Variants in LTBR observed in about 807,000 individuals in gnomAD.
LTBR encodes the protein lymphotoxin beta receptor.
In LTBR, 15 loss-of-function variants were observed where a neutral mutation model predicts 45.4. That is an observed-to-expected ratio of 0.33 (90% confidence interval 0.22 to 0.51). LTBR has a LOEUF of 0.51. Ranked by LOEUF, LTBR falls within the 20% of genes least tolerant of loss-of-function variation. The pLI, the probability that LTBR is intolerant of heterozygous loss-of-function variation, is 0.97. For synonymous variants in LTBR, 228 were observed against 231.0 expected, an observed-to-expected ratio of 0.99 and a Z score of 0.12; for missense variants, 450 against 565.5, an observed-to-expected ratio of 0.80 and a Z score of 2.07.
upstream of LTBR, among the ~76,000 whole-genome samples, chr12:6,382,517 GC>G (rs776490622): frequency 2.0e-5 from 3 of 152,174 alleles, no homozygotes; most frequent in Non-Finnish European, 4.4e-5. Flanking sequence ...TCTCATCCCA[GC>G]CCCCAGCGCT....
At position 6,390,881 on chromosome 12, in the gene LTBR, TG is replaced by T. The variant is rs763754266; in HGVS notation, c.1253del (p.Cys418LeufsTer20). ...TTGGCACCTAGCGGAGACAGAGCAC[TG>T]TGGTGCCACACCCTCTAACAGGGGC... ...KAWHLAETEH[C>X]GATPSNRGPR... is the part of the protein sequence containing the mutation. On this transcript the variant is annotated frameshift_variant, in exon 10 of 10. Transcript: ENST00000228918. LOFTEE classifies it low-confidence loss of function (END_TRUNC). 1 of 1,604,268 alleles carries T rather than the reference TG, an allele frequency of 6.2e-7. No homozygotes were observed. Among genetic ancestry groups the T allele is most frequent in the Non-Finnish European group, 8.5e-7 (1 of 1,174,924 alleles).
At position 6,386,517 on chromosome 12, in the gene LTBR, A is replaced by C; in HGVS notation, c.667+73A>C. 2 of 1,203,606 alleles carry C rather than the reference A, an allele frequency of 1.7e-6. No individual in the cohort carries two copies. The highest frequency in any genetic ancestry group is 2.4e-6 in the Non-Finnish European group (2 of 831,480). 74.6% of individuals were successfully genotyped at this position (1,203,606 alleles called of 1,614,324 possible). A position where few individuals can be genotyped will look rare whatever the true frequency, so the allele number is the denominator to read the frequency against. Reference sequence around the variant, plus strand: ...CCTTAATGCTCCACATCTTAAAAAAAATGGGGAAAAGATGAACACTTCCCT... The same window carrying C: ...CCTTAATGCTCCACATCTTAAAAAACATGGGGAAAAGATGAACACTTCCCT... On this transcript the variant is annotated intron_variant, in intron 6 of 9. Transcript: ENST00000228918. This position sits in a 1 kb window ranked among gnomAD's most constrained non-coding sequence, Gnocchi z 4.1.
chr12:6,385,200 C>G (rs1949025484), intron 3 of LTBR, 27 bp from the exon 4 acceptor site: 1 of 1,614,026 alleles, frequency 6.2e-7, no homozygotes, highest in Non-Finnish European at 8.5e-7. Flanking sequence ...CTTGGCCCCT[C>G]CCTGAGCCCT....
chr12:6,385,883 C>T (rs1172747725), intron 4 of LTBR, 183 bp from the exon 5 acceptor site: 8 of 478,280 alleles, frequency 1.7e-5, no homozygotes, highest in African/African-American at 2.6e-5. Context: ...CCAGCCTGGG[C>T]GACAGAGCAA....
rs1390547117 is a variant in LTBR, at chr12:6,386,141, C to A, written c.548C>A (p.Ala183Asp). The change falls in exon 5 of 10, where the codon GCC becomes GAC. Residue 183 changes from alanine (A) to aspartate (D), a missense_variant. Coordinates refer to ENST00000228918, the MANE Select transcript of LTBR (RefSeq NM_002342.3). This position sits in a 1 kb window ranked among gnomAD's most constrained non-coding sequence, Gnocchi z 4.1. ...TTCCAGAATACCTCCTCCCCCAGCG[C>A]CCGCTGCCAGCCCCACACCAGGTGA... is the stretch of plus-strand genomic sequence containing the variant. The part of the protein sequence containing the change: ...GHFQNTSSPS[A>D]RCQPHTRCEN... 6.2e-7 allele frequency: 1 copy of A among 1,613,552 alleles called. No homozygotes were observed. Among genetic ancestry groups the A allele is most frequent in the African/African-American group, 1.3e-5 (1 of 74,898 alleles).
intron 8 of LTBR, chr12:6,389,157 G>A (rs1592101779): frequency 4.1e-6 from 1 of 246,020 alleles, no homozygotes; most frequent in South Asian, 5.6e-5. Flanking sequence ...AGAGTGGAGA[G>A]TGAAGGCCTC....
chr12:6,375,552 AGGG>A, exon 1 of LTBR: 1 of 1,533,084 alleles, frequency 6.5e-7, no homozygotes, highest in Non-Finnish European at 8.7e-7. Flanking sequence ...CTGGCCGGCC[AGGG>A]ATGGAAGCGA....
At chr12:6,383,726 G>T (rs966189057), upstream of LTBR, among the ~76,000 whole-genome samples, 1 of 152,194 alleles carries the variant, frequency 6.6e-6, no homozygotes, top group Non-Finnish European at 1.5e-5. Flanking sequence ...CAGGACAACG[G>T]GGGAGGAACC....
At chr12:6,378,979 T>C (rs1347296777) in intron 1 of LTBR, among the ~76,000 whole-genome samples, 1 of 151,888 alleles carries the variant, frequency 6.6e-6, no homozygotes, top group East Asian at 1.9e-4. Context: ...GGGATGAGGG[T>C]TATGAGTGCA....
intron 8 of LTBR, chr12:6,389,529 C>G (rs10744705): frequency 0.15 from 23,629 of 154,558 alleles, 4,139 homozygotes; most frequent in East Asian, 0.69. Context: ...CCAAACATGC[C>G]GATCCATGAT....
Position 6,388,960 on chromosome 12 carries a change from C to T in LTBR, c.801+135C>T. ...TCAACTGATGATTTACTGAACATGCCACGTACCAGGCACTGTCCTAGGCAC... is the reference window on the plus strand; with the variant it reads ...TCAACTGATGATTTACTGAACATGCTACGTACCAGGCACTGTCCTAGGCAC... On this transcript the variant is annotated intron_variant, in intron 8 of 9. Coordinates refer to ENST00000228918, the MANE Select transcript of LTBR (RefSeq NM_002342.3). The surrounding 1 kb of genome is among the most constrained non-coding windows in gnomAD (Gnocchi z 4.3). 9.0e-7 allele frequency: 1 copy of T among 1,112,622 alleles called. No homozygotes were observed. Among genetic ancestry groups the T allele is most frequent in the Admixed American group, 1.9e-5 (1 of 52,068 alleles). The allele number at this position is 1,112,622 out of a possible 1,614,324, so 68.9% of individuals were successfully genotyped here.
At position 6,386,624 on chromosome 12, in the gene LTBR, C is replaced by T. The variant is rs1949053192; in HGVS notation, c.667+180C>T. The T allele has an allele frequency of 5.0e-6, 3 of 598,822 alleles. No individual in the cohort carries two copies. The highest frequency in any genetic ancestry group is 3.0e-5 in the Admixed American group (1 of 33,236). The allele number at this position is 598,822 out of a possible 1,614,324, so 37.1% of individuals were successfully genotyped here. A position where few individuals can be genotyped will look rare whatever the true frequency, so the allele number is the denominator to read the frequency against. ...TAGTTTACACACACACACACACACA[C>T]ACACACACACACTTTTAAAATTATA... On this transcript the variant is annotated intron_variant, in intron 6 of 9. Coordinates refer to ENST00000228918, the MANE Select transcript of LTBR (RefSeq NM_002342.3). The surrounding 1 kb of genome is among the most constrained non-coding windows in gnomAD (Gnocchi z 4.1).
At position 6,377,372 on chromosome 12, in the gene LTBR, A is replaced by T. The variant is rs558872551; in HGVS notation, c.39+1778A>T. 106 of 982,546 alleles carry T rather than the reference A, an allele frequency of 1.1e-4. 3 individuals are homozygous for T. In the South Asian group the frequency reaches 1.5e-3, roughly 14 times the overall value. The allele number at this position is 982,546 out of a possible 1,614,324, so 60.9% of individuals were successfully genotyped here. A position where few individuals can be genotyped will look rare whatever the true frequency, so the allele number is the denominator to read the frequency against. Reference sequence around the variant, plus strand: ...GTTTTCTGAGGTTAGAAAACAAAATAGGAGCAGAGCTATAAACAGAATTCA... The same window carrying T: ...GTTTTCTGAGGTTAGAAAACAAAATTGGAGCAGAGCTATAAACAGAATTCA... On this transcript the variant is annotated intron_variant, in intron 1 of 9. Transcript: ENST00000539925.
At chr12:6,383,368 A>T (rs1331044989), upstream of LTBR, among the ~76,000 whole-genome samples, 1 of 152,060 alleles carries the variant, frequency 6.6e-6, no homozygotes, top group Non-Finnish European at 1.5e-5. Context: ...CTTATGTATC[A>T]CCCTTAGCCT....
chr12:6,381,135 G>A (rs1948980346), upstream of LTBR, among the ~76,000 whole-genome samples: 1 of 152,162 alleles, frequency 6.6e-6, no homozygotes, highest in Non-Finnish European at 1.5e-5. Context: ...CATGGGTGAT[G>A]GAGGAGCTGA....
At position 6,386,255 on chromosome 12, in the gene LTBR, C is replaced by A; in HGVS notation, c.570-92C>A. ...CCTATCCTTGACACCACGGACTCGA[C>A]TCACCACTTTCAGCCTCCCCGCCTG... On this transcript the variant is annotated intron_variant, in intron 5 of 9. Coordinates refer to ENST00000228918, the MANE Select transcript of LTBR (RefSeq NM_002342.3). This position sits in a 1 kb window ranked among gnomAD's most constrained non-coding sequence, Gnocchi z 4.1. 2 of 1,481,702 alleles carry A rather than the reference C, an allele frequency of 1.3e-6. No individual in the cohort carries two copies. Among genetic ancestry groups the A allele is most frequent in the Non-Finnish European group, 1.9e-6 (2 of 1,063,556 alleles). 91.8% of individuals were successfully genotyped at this position (1,481,702 alleles called of 1,614,324 possible). A position where few individuals can be genotyped will look rare whatever the true frequency, so the allele number is the denominator to read the frequency against.
intron 8 of LTBR, 74 bp from the exon 9 acceptor site, chr12:6,390,038 A>G (rs965624415): frequency 4.6e-6 from 4 of 875,926 alleles, no homozygotes; most frequent in African/African-American, 3.4e-5. Flanking sequence ...GAGAGAAAGA[A>G]GAGGGAGGGA....
upstream of LTBR, chr12:6,375,310 C>T (rs41279086): frequency 4.7e-3 from 6,781 of 1,438,110 alleles, 25 homozygotes; most frequent in Non-Finnish European, 5.8e-3. Context: ...CTTGCCTTGC[C>T]CCCTCTCACT....
At chr12:6,375,554 G>A in exon 1 of LTBR, 1 of 1,535,018 alleles carries the variant, frequency 6.5e-7, no homozygotes, top group Admixed American at 2.0e-5. Flanking sequence ...GGCCGGCCAG[G>A]GATGGAAGCG....
Sources: gnomAD v4.1 joint callset for allele counts (sites outside exome capture counted in the v4.1 genomes callset) on GRCh38, gnomAD v4.1.1 for gene constraint, Gnocchi (gnomAD v3.1) non-coding constraint, MANE v1.5 for transcripts, NCBI Gene and HGNC (gene_info 2026-07-23, HGNC 2026-07-21) for gene names.